RBKS: variants seen among roughly 807,000 people sequenced by gnomAD.
RBKS encodes ribokinase.
Under a neutral mutation model 33.9 loss-of-function variants are expected in RBKS, and 33 were observed. That is an observed-to-expected ratio of 0.97 (90% CI 0.74 to 1.30). The LOEUF is 1.30. Among genes scored for constraint, RBKS ranks in the 50% most tolerant of loss-of-function variants. The pLI is 0.00. For synonymous variants in RBKS, 125 were observed against 143.0 expected (o/e 0.87, Z 0.90); for missense variants, 361 against 392.6 (o/e 0.92, Z 0.68).
intron 1 of RBKS, among the ~76,000 whole-genome samples, chr2:27,880,847 C>T (rs1022269814): frequency 6.6e-6 from 1 of 152,094 alleles, no homozygotes; most frequent in African/African-American, 2.4e-5. Flanking sequence ...TTGCCCAAAG[C>T]AATTTACAGA....
intron 6 of RBKS, among the ~76,000 whole-genome samples, chr2:27,830,821 A>G (rs1678402599): frequency 6.6e-6 from 1 of 152,182 alleles, no homozygotes; most frequent in African/African-American, 2.4e-5. Context: ...CTTCCTGCTT[A>G]AATCAATAGA....
chr2:27,867,218 T>C (rs1415376948), intron 1 of RBKS, among the ~76,000 whole-genome samples: 1 of 152,206 alleles, frequency 6.6e-6, no homozygotes, highest in African/African-American at 2.4e-5. Flanking sequence ...CCTGATTCTT[T>C]GCATGTCTAG....
intron 7 of RBKS, among the ~76,000 whole-genome samples, chr2:27,800,483 G>A (rs975280917): frequency 2.0e-5 from 3 of 152,122 alleles, no homozygotes; most frequent in Admixed American, 2.0e-4. Flanking sequence ...CCATTGTGAA[G>A]ACTGAATTAA....
At chr2:27,841,141 G>A (rs1342358680) in intron 5 of RBKS, among the ~76,000 whole-genome samples, 2 of 152,084 alleles carry the variant, frequency 1.3e-5, no homozygotes, top group African/African-American at 2.4e-5. Context: ...AGGTGATGGA[G>A]GAAGCCTTTC....
chr2:27,783,820 T>C (rs1677334755), intron 7 of RBKS, among the ~76,000 whole-genome samples: 1 of 142,576 alleles, frequency 7.0e-6, no homozygotes, highest in African/African-American at 2.6e-5. Context: ...GGCAGGAGAA[T>C]GGCCTGAACC....
chr2:27,885,483 T>C lies in RBKS; in HGVS notation c.89+4774A>G, dbSNP rs181263622. On this transcript the variant is annotated intron_variant, in intron 1 of 7. Coordinates refer to ENST00000302188, the MANE Select transcript of RBKS (RefSeq NM_022128.3). ...CTGATTGCTGTCTCCTGACTCTTTT[T>C]TTCTTCTTCATCCATACTGGACTCC... Among the ~76,000 whole-genome samples the C allele has an allele frequency of 6.3e-3, 964 of 152,278 alleles. 12 individuals are homozygous for C. The highest frequency in any genetic ancestry group is 8.0e-3 in the Non-Finnish European group (547 of 68,008).
intron 2 of RBKS, among the ~76,000 whole-genome samples, chr2:27,850,263 C>T (rs1363283222): frequency 2.0e-5 from 3 of 152,186 alleles, no homozygotes; most frequent in Non-Finnish European, 4.4e-5. Context: ...CTAGTATCCC[C>T]CACTATTAAC....
chr2:27,840,362 G>GCA (rs1558546987), intron 5 of RBKS, among the ~76,000 whole-genome samples: 97 of 90,106 alleles, frequency 1.1e-3, no homozygotes, highest in East Asian at 7.2e-3. Context: ...ACACGCGCGC[G>GCA]CGCACACACA....
intron 5 of RBKS, among the ~76,000 whole-genome samples, chr2:27,836,755 A>C (rs952676855): frequency 9.9e-5 from 15 of 152,234 alleles, no homozygotes; most frequent in Admixed American, 6.5e-4. Context: ...GCATCTGACA[A>C]AGGTCTAATA....
intron 7 of RBKS, among the ~76,000 whole-genome samples, chr2:27,791,612 C>G (rs1022783507): frequency 1.5e-4 from 18 of 118,236 alleles, no homozygotes; most frequent in African/African-American, 7.8e-4. Context: ...CATAATAAAT[C>G]TACACACACA....
intron 6 of RBKS, among the ~76,000 whole-genome samples, chr2:27,829,102 G>A (rs182441341): frequency 2.3e-4 from 35 of 152,008 alleles, no homozygotes; most frequent in African/African-American, 6.0e-4. Flanking sequence ...ATTATGTTCC[G>A]CAGGCTGGTC....
chr2:27,804,454 A>G (rs765671284), intron 7 of RBKS, among the ~76,000 whole-genome samples: 1 of 152,202 alleles, frequency 6.6e-6, no homozygotes, highest in Non-Finnish European at 1.5e-5. Context: ...CACATTTTTG[A>G]GCAAAATCAT....
At position 27,843,051 on chromosome 2, in the gene RBKS, A is replaced by T; in HGVS notation, c.514+16T>A. ...TAAAAGCTTTTATAGAAAGAATGAC[A>T]AATATGTATAATTACCTCCACTCCT... On this transcript the variant is annotated intron_variant, in intron 5 of 7. Coordinates refer to ENST00000302188, the MANE Select transcript of RBKS (RefSeq NM_022128.3). The T allele has an allele frequency of 6.5e-7, 1 of 1,538,324 alleles. No homozygotes were observed. The highest frequency in any genetic ancestry group is 8.8e-7 in the Non-Finnish European group (1 of 1,140,104).
At chr2:27,869,868 T>C (rs1573074894) in intron 1 of RBKS, 3 of 152,758 alleles carry the variant, frequency 2.0e-5, no homozygotes, top group Middle Eastern at 3.4e-3. Flanking sequence ...GTGTTGGAAA[T>C]GGAAGCAAGC....
At chr2:27,861,663 T>TG (rs56729802) in intron 1 of RBKS, 17,058 of 308,864 alleles carry the variant, frequency 0.055, 358 homozygotes, top group African/African-American at 0.11. Context: ...CATTTCTTTT[T>TG]GGGGGGGGGG....
rs763090773 is a variant in RBKS, at chr2:27,861,947, A to ATTT, written c.90-3379_90-3377dup. ...GGTGTGATCCATGGCGCCTGGCCTG[A>ATTT]TTTTTTTTTTTTTTTTTTTTTTGAG... On this transcript the variant is annotated intron_variant, in intron 1 of 7. Coordinates refer to ENST00000302188, the MANE Select transcript of RBKS (RefSeq NM_022128.3). Among the ~76,000 whole-genome samples the ATTT allele has an allele frequency of 1.8e-4, 20 of 113,704 alleles. 1 individual carries two copies. Among genetic ancestry groups the ATTT allele is most frequent in the African/African-American group, 3.8e-4 (11 of 28,772 alleles). The allele number at this position is 113,704 out of a possible 152,430, so 74.6% of individuals were successfully genotyped here. A position where few individuals can be genotyped will look rare whatever the true frequency, so the allele number is the denominator to read the frequency against.
At chr2:27,876,872 A>G (rs1427263921) in intron 1 of RBKS, among the ~76,000 whole-genome samples, 1 of 152,182 alleles carries the variant, frequency 6.6e-6, no homozygotes, top group Non-Finnish European at 1.5e-5. Context: ...CAATAATACT[A>G]AGTACTCTGA....
In RBKS at chr2:27,890,259, GA is replaced by G. The variant is rs748872380; in HGVS notation, c.86del (p.Val29AlafsTer40). The G allele has an allele frequency of 6.2e-7, 1 of 1,613,550 alleles. No individual in the cohort carries two copies. Among genetic ancestry groups the G allele is most frequent in the Non-Finnish European group, 8.5e-7 (1 of 1,179,926 alleles). ...TGAGTAACTGGCCCCGGACTAACCT[GA>G]CCAGGTCGGTCATGCAGGAGCCCAC... ...VVVGSCMTDL[V>X]SLTSRLPKTG... On this transcript the variant is annotated frameshift_variant, in exon 1 of 8. Coordinates refer to ENST00000302188, the MANE Select transcript of RBKS (RefSeq NM_022128.3). LOFTEE classifies it high-confidence loss of function. The surrounding 1 kb of genome is among the most constrained non-coding windows in gnomAD (Gnocchi z 4.8).
At chr2:27,867,222 T>G (rs953818479) in intron 1 of RBKS, among the ~76,000 whole-genome samples, 1 of 152,210 alleles carries the variant, frequency 6.6e-6, no homozygotes, top group Admixed American at 6.5e-5. Flanking sequence ...ATTCTTTGCA[T>G]GTCTAGTGAT....
Sources: gnomAD v4.1 joint callset for allele counts (sites outside exome capture counted in the v4.1 genomes callset) on GRCh38, gnomAD v4.1.1 for gene constraint, Gnocchi (gnomAD v3.1) non-coding constraint, MANE v1.5 for transcripts, NCBI Gene and HGNC (gene_info 2026-07-23, HGNC 2026-07-21) for gene names.